Variants in FGF13 observed in about 807,000 individuals in gnomAD.
The protein encoded by FGF13 is fibroblast growth factor homologous factor 2.
In FGF13, 2 loss-of-function variants were observed where a neutral mutation model predicts 19.5. That is an observed-to-expected ratio of 0.10 (90% CI 0.04 to 0.32). The LOEUF is 0.32. Ranked by LOEUF, FGF13 falls within the 10% of genes least tolerant of loss-of-function variation. FGF13 has a pLI of 1.00. For synonymous variants in FGF13, 72 were observed against 76.9 expected (o/e 0.94, Z 0.33); for missense variants, 113 against 192.7 (o/e 0.59, Z 2.45).
At chrX:138,650,729 C>T (rs1440573188) in intron 3 of FGF13, among the ~76,000 whole-genome samples, 1 of 111,517 alleles carries the variant, frequency 9.0e-6, no homozygotes, top group Non-Finnish European at 1.9e-5. Flanking sequence ...TATCCATCAC[C>T]TTAAACATTC....
intron 3 of FGF13, among the ~76,000 whole-genome samples, chrX:138,815,939 T>C (rs2090958982): frequency 9.0e-6 from 1 of 110,808 alleles, no homozygotes. Flanking sequence ...CCAGGTACAA[T>C]AAAACAAATG....
At chrX:138,749,294 T>C (rs2090378733) in intron 3 of FGF13, among the ~76,000 whole-genome samples, 1 of 104,583 alleles carries the variant, frequency 9.6e-6, no homozygotes, top group Non-Finnish European at 2.0e-5. Flanking sequence ...CTAAATGAGC[T>C]TTTAGTCCCA....
chrX:139,112,964 A>G (rs1455631022), intron 1 of FGF13, among the ~76,000 whole-genome samples: 1 of 89,616 alleles, frequency 1.1e-5, no homozygotes, highest in Non-Finnish European at 2.2e-5. Context: ...TAATTACTTG[A>G]TTATGTAGTG....
chrX:139,018,235 A>G (rs2092162425), intron 1 of FGF13, among the ~76,000 whole-genome samples: 2 of 111,790 alleles, frequency 1.8e-5, no homozygotes, highest in African/African-American at 6.5e-5. Flanking sequence ...ACCTGCACTG[A>G]GTAATCCACA....
chrX:138,680,259 T>C (rs1177215379), intron 3 of FGF13, among the ~76,000 whole-genome samples: 1 of 112,157 alleles, frequency 8.9e-6, no homozygotes, highest in African/African-American at 3.2e-5. Context: ...TCTTTCAAAG[T>C]CCTGTTAATA....
intron 1 of FGF13, among the ~76,000 whole-genome samples, chrX:139,032,221 A>G (rs61245857): frequency 0.16 from 18,173 of 111,546 alleles, 1,293 homozygotes; most frequent in African/African-American, 0.28. Context: ...AACATTTGCT[A>G]ATGCCAAATA....
At chrX:138,808,531 A>T (rs1023812988) in intron 3 of FGF13, among the ~76,000 whole-genome samples, 2 of 111,646 alleles carry the variant, frequency 1.8e-5, no homozygotes, top group African/African-American at 6.5e-5. Flanking sequence ...AATGGAAAGA[A>T]CTAGAGAAGC....
chrX:139,054,067 T>C (rs984829993), intron 1 of FGF13, among the ~76,000 whole-genome samples: 5 of 108,180 alleles, frequency 4.6e-5, no homozygotes, highest in Admixed American at 2.0e-4. Flanking sequence ...TGGCTGAAGG[T>C]ATTTGGGTTT....
intron 1 of FGF13, among the ~76,000 whole-genome samples, chrX:138,730,371 G>A (rs2090219932): frequency 9.0e-6 from 1 of 111,333 alleles, no homozygotes; most frequent in African/African-American, 3.3e-5. Context: ...CATGTATATA[G>A]AAATTACATC....
At chrX:138,880,825 T>C (rs1441066865) in intron 1 of FGF13, among the ~76,000 whole-genome samples, 1 of 112,332 alleles carries the variant, frequency 8.9e-6, no homozygotes. Context: ...TTTTGATTAC[T>C]GTACTTTATA....
chrX:138,984,814 CTGTGTG>C (rs200719953), intron 1 of FGF13, among the ~76,000 whole-genome samples: 1 of 90,846 alleles, frequency 1.1e-5, no homozygotes, highest in East Asian at 3.9e-4. Flanking sequence ...TATGTCAGTT[CTGTGTG>C]TGTGTGTGTG....
chrX:138,950,064 A>C (rs776339242), intron 1 of FGF13, among the ~76,000 whole-genome samples: 3 of 111,981 alleles, frequency 2.7e-5, no homozygotes, highest in Non-Finnish European at 5.6e-5. Context: ...GTATGGAGCA[A>C]GTTCCACATT....
intron 1 of FGF13, among the ~76,000 whole-genome samples, chrX:139,062,218 T>C (rs2092338753): frequency 8.9e-6 from 1 of 111,743 alleles, no homozygotes; most frequent in East Asian, 2.8e-4. Flanking sequence ...AAATCTTTAA[T>C]CCATTTTGAG....
chrX:139,092,826 C>A (rs759716479), intron 1 of FGF13, among the ~76,000 whole-genome samples: 2 of 111,671 alleles, frequency 1.8e-5, no homozygotes, highest in South Asian at 7.6e-4. Context: ...GCACTATCCT[C>A]CCACCATTCA....
At chrX:138,972,344 A>C (rs769048490) in intron 1 of FGF13, among the ~76,000 whole-genome samples, 67 of 85,494 alleles carry the variant, frequency 7.8e-4, no homozygotes, top group Non-Finnish European at 1.2e-3. Context: ...CTTTCTACAC[A>C]TCTTCACCAG....
chrX:138,904,885 T>C (rs930955040), intron 1 of FGF13, among the ~76,000 whole-genome samples: 1 of 111,921 alleles, frequency 8.9e-6, no homozygotes, highest in Non-Finnish European at 1.9e-5. Flanking sequence ...AAAAATAGAT[T>C]TTTCTCTAAT....
At chrX:139,127,184 T>A (rs1373075311) in intron 1 of FGF13, among the ~76,000 whole-genome samples, 1 of 111,716 alleles carries the variant, frequency 9.0e-6, no homozygotes, top group Non-Finnish European at 1.9e-5. Flanking sequence ...CCTTCCTTAT[T>A]CACAATTTGG....
rs959412106 is a variant in FGF13 at position 138,615,674 on chromosome X, G to A, written c.*17176C>T. The A allele has an allele frequency of 2.1e-4, 24 of 111,826 alleles. No homozygotes were observed. The highest frequency in any genetic ancestry group is 7.8e-4 in the African/African-American group (24 of 30,822). 9.2% of individuals were successfully genotyped at this position (111,826 alleles called of 1,213,427 possible). On this transcript the variant is annotated 3_prime_UTR_variant, in exon 5 of 5. Coordinates refer to ENST00000315930, the MANE Select transcript of FGF13 (RefSeq NM_004114.5). ...AATATTGGCTTGTTTACTTGCATTT[G>A]TATGTTTGTTTTTAAATTTTTACCC...
chrX:138,854,857 T>C (rs1344566169), downstream of FGF13, among the ~76,000 whole-genome samples: 3 of 111,944 alleles, frequency 2.7e-5, no homozygotes, highest in Non-Finnish European at 5.6e-5. Flanking sequence ...TGCTGTAGAA[T>C]TGGTGAGCAT....
Sources: gnomAD v4.1 joint callset for allele counts (sites outside exome capture counted in the v4.1 genomes callset) on GRCh38, gnomAD v4.1.1 for gene constraint, MANE v1.5 for transcripts, NCBI Gene and HGNC (gene_info 2026-07-23, HGNC 2026-07-21) for gene names.